RP1: variants seen among roughly 807,000 people sequenced by gnomAD.
RP1 encodes oxygen-regulated protein 1.
Under a neutral mutation model 14.8 loss-of-function variants are expected in RP1, and 16 were observed. The observed-to-expected ratio is 1.08, with a 90% CI of 0.73 to 1.65. The LOEUF (loss-of-function observed/expected upper bound fraction) is 1.65, where lower values mean the gene tolerates loss of function less well. RP1 is among the 40% of genes most tolerant of loss of function. RP1 has a pLI of 0.00. For synonymous variants in RP1, 876 were observed against 883.6 expected (o/e 0.99, Z 0.15); for missense variants, 2,631 against 2,535.0 (o/e 1.04, Z -0.81).
intron 1 of RP1, among the ~76,000 whole-genome samples, chr8:54,617,379 A>C (rs1487144181): frequency 6.6e-6 from 1 of 152,244 alleles, no homozygotes; most frequent in Non-Finnish European, 1.5e-5. Context: ...GTAAAGATAC[A>C]TTGCTAAATT....
At chr8:54,670,523 GTATATATATACATATA>G (rs1563343150) in intron 7 of RP1, among the ~76,000 whole-genome samples, 24 of 32,596 alleles carry the variant, frequency 7.4e-4, no homozygotes, top group African/African-American at 1.8e-3. Context: ...ATATGTATGT[GTATATATATACATATA>G]TATGTATGTA....
chr8:54,589,544 C>T (rs1277957393), intron 1 of RP1, among the ~76,000 whole-genome samples: 1 of 152,060 alleles, frequency 6.6e-6, no homozygotes, highest in Non-Finnish European at 1.5e-5. Context: ...GTCTGAAGCT[C>T]ACTTTCTTGC....
At chr8:54,645,946 T>C (rs919336222) in intron 3 of RP1, among the ~76,000 whole-genome samples, 2 of 152,166 alleles carry the variant, frequency 1.3e-5, no homozygotes, top group Non-Finnish European at 2.9e-5. Context: ...AATGACTAAA[T>C]TGTTTATATA....
At chr8:54,816,824 G>A (rs1811143036) in intron 24 of RP1, among the ~76,000 whole-genome samples, 1 of 152,014 alleles carries the variant, frequency 6.6e-6, no homozygotes, top group African/African-American at 2.4e-5. Context: ...TCCATTCTGT[G>A]CTTCCCCCAG....
intron 1 of RP1, among the ~76,000 whole-genome samples, chr8:54,559,787 A>G (rs1282648679): frequency 2.6e-5 from 4 of 152,146 alleles, no homozygotes; most frequent in African/African-American, 9.7e-5. Flanking sequence ...CACAAAGACC[A>G]GTTAGGAGGC....
intron 1 of RP1, among the ~76,000 whole-genome samples, chr8:54,588,208 T>G (rs1470828881): frequency 2.0e-5 from 3 of 152,190 alleles, no homozygotes; most frequent in Non-Finnish European, 4.4e-5. Flanking sequence ...TTATAAAGAC[T>G]GAAGAAGGAA....
Position 54,626,525 on chromosome 8 carries a change from T to C in RP1, c.2643T>C (p.Ala881=), listed in dbSNP as rs1268266255. 1.2e-6 allele frequency: 2 copies of C among 1,613,852 alleles called. No individual in the cohort carries two copies. Among genetic ancestry groups the C allele is most frequent in the Non-Finnish European group, 1.7e-6 (2 of 1,179,908 alleles). The part of the protein sequence containing the change: ...KRKGDKVKAS[A]ILSKQHATTR... ...AAGGGGATAAAGTGAAAGCAAGTGCTATTTTAAGTAAACAACATGCTACAA... is the reference window on the plus strand; with the variant it reads ...AAGGGGATAAAGTGAAAGCAAGTGCCATTTTAAGTAAACAACATGCTACAA... Residue 881 remains alanine, a synonymous_variant, in exon 4 of 4, where the codon GCT becomes GCC. Transcript: ENST00000220676.
upstream of RP1, among the ~76,000 whole-genome samples, chr8:54,614,585 G>C (rs2129311477): frequency 6.6e-6 from 1 of 152,326 alleles, no homozygotes; most frequent in Non-Finnish European, 1.5e-5. Context: ...ACCAGGGAGA[G>C]GGTATGGTAG....
At chr8:54,799,300 C>A (rs908158318) in intron 24 of RP1, among the ~76,000 whole-genome samples, 7 of 151,920 alleles carry the variant, frequency 4.6e-5, no homozygotes, top group African/African-American at 9.7e-5. Flanking sequence ...ACATTTATTG[C>A]GATCTGTTCT....
intron 1 of RP1, among the ~76,000 whole-genome samples, chr8:54,605,920 A>G (rs1225448412): frequency 2.2e-5 from 3 of 135,646 alleles, no homozygotes; most frequent in Admixed American, 7.2e-5. Context: ...CTTTATTTTG[A>G]GCCTATGTGT....
intron 28 of RP1, chr8:54,869,757 T>C (rs1812539175): frequency 4.1e-6 from 2 of 484,046 alleles, no homozygotes; most frequent in Non-Finnish European, 3.3e-6. Context: ...TTAAATTCTT[T>C]CCATATGTTT....
rs72650374 is a variant in RP1 at position 54,856,605 on chromosome 8, G to C, written c.3991-423G>C. Among the ~76,000 whole-genome samples, 181 of 152,272 alleles carry C rather than the reference G, an allele frequency of 1.2e-3. 2 individuals are homozygous for C. The highest frequency in any genetic ancestry group is 2.2e-3 in the Non-Finnish European group (151 of 68,010). On this transcript the variant is annotated intron_variant, in intron 26 of 28. Coordinates refer to the RP1 transcript ENST00000637698. ...ACCTGGGACAAGTAGCTTAACTCTA[G>C]GTGCCTCAGTCTCTTCGACTGTGAA...
At chr8:54,755,793 C>A in intron 21 of RP1, 1 of 1,429,068 alleles carries the variant, frequency 7.0e-7, no homozygotes, top group South Asian at 1.4e-5. Context: ...AAATAATTTC[C>A]CAGATTCTTA....
At chr8:54,678,316 A>G (rs1338306109) in intron 8 of RP1, 4 of 556,162 alleles carry the variant, frequency 7.2e-6, no homozygotes, top group Non-Finnish European at 1.2e-5. Context: ...CTTCTGTTAT[A>G]TTTTGCTTTA....
chr8:54,685,793 C>T (rs1807549865), intron 12 of RP1, among the ~76,000 whole-genome samples: 1 of 152,154 alleles, frequency 6.6e-6, no homozygotes, highest in Non-Finnish European at 1.5e-5. Flanking sequence ...AGTTTTATGA[C>T]TAATTGAATG....
chr8:54,564,031 G>C (rs573683760), intron 1 of RP1, among the ~76,000 whole-genome samples: 1 of 152,164 alleles, frequency 6.6e-6, no homozygotes, highest in African/African-American at 2.4e-5. Flanking sequence ...GTGAGAGACC[G>C]CTGCGGAGTT....
At chr8:54,564,003 A>G (rs906265064) in intron 1 of RP1, among the ~76,000 whole-genome samples, 6 of 152,150 alleles carry the variant, frequency 3.9e-5, no homozygotes, top group African/African-American at 1.4e-4. Context: ...CCCAGGAGCT[A>G]TTTCAAGTTA....
chr8:54,722,264 GTTT>G (rs113532231), intron 16 of RP1, among the ~76,000 whole-genome samples: 1 of 143,048 alleles, frequency 7.0e-6, no homozygotes, highest in African/African-American at 2.6e-5. Context: ...TTTTAGAATG[GTTT>G]TTTTTTTTGT....
intron 19 of RP1, among the ~76,000 whole-genome samples, chr8:54,741,705 GTGTATATATATATATATATATA>G (rs1179175540): frequency 1.3e-5 from 1 of 75,900 alleles, no homozygotes; most frequent in African/African-American, 5.9e-5. Flanking sequence ...ACAAATGTGT[GTGTATATATATATATATATATA>G]TATATATATA....
Sources: gnomAD v4.1 joint callset for allele counts (sites outside exome capture counted in the v4.1 genomes callset) on GRCh38, gnomAD v4.1.1 for gene constraint, MANE v1.5 for transcripts, NCBI Gene and HGNC (gene_info 2026-07-23, HGNC 2026-07-21) for gene names.